Variants in PAFAH1B1 observed in about 807,000 individuals in gnomAD.
PAFAH1B1 encodes platelet-activating factor acetylhydrolase IB subunit beta.
Under a neutral mutation model 57.5 loss-of-function variants are expected in PAFAH1B1, and 2 were observed. That is an observed-to-expected ratio of 0.03 (90% CI 0.01 to 0.11). The LOEUF (loss-of-function observed/expected upper bound fraction) is 0.11. Ranked by LOEUF, PAFAH1B1 falls within the 10% of genes least tolerant of loss-of-function variation. The pLI is 1.00. For synonymous variants in PAFAH1B1, 152 were observed against 169.6 expected, an observed-to-expected ratio of 0.90 and a Z score of 0.81; for missense variants, 257 against 512.0, an observed-to-expected ratio of 0.50 and a Z score of 4.81.
intron 2 of PAFAH1B1, chr17:2,638,573 T>C (rs2068653467): frequency 4.8e-6 from 2 of 419,396 alleles, no homozygotes; most frequent in South Asian, 2.9e-5. Context: ...AATGGCGCCA[T>C]CTCGGCTCAC....
At chr17:2,670,910 A>C (rs2151664594) in intron 6 of PAFAH1B1, among the ~76,000 whole-genome samples, 1 of 152,312 alleles carries the variant, frequency 6.6e-6, no homozygotes, top group East Asian at 1.9e-4. Flanking sequence ...CAGAGGTAAT[A>C]ATACCAGAGT....
intron 2 of PAFAH1B1, among the ~76,000 whole-genome samples, chr17:2,663,687 C>T (rs1734541540): frequency 7.6e-6 from 1 of 132,080 alleles, no homozygotes; most frequent in Admixed American, 8.9e-5. Flanking sequence ...GGTGGTAGTG[C>T]TAAAATTCTC....
At chr17:2,658,528 C>G (rs574337352) in intron 2 of PAFAH1B1, among the ~76,000 whole-genome samples, 2 of 152,206 alleles carry the variant, frequency 1.3e-5, no homozygotes, top group African/African-American at 4.8e-5. Flanking sequence ...GCTTTTGTTG[C>G]AACTGTGGGC....
chr17:2,656,409 C>T (rs2068936962), intron 2 of PAFAH1B1, among the ~76,000 whole-genome samples: 1 of 151,826 alleles, frequency 6.6e-6, no homozygotes, highest in Non-Finnish European at 1.5e-5. Flanking sequence ...ATGATTGTGC[C>T]ACAGCACTCC....
At chr17:2,638,458 T>C in intron 2 of PAFAH1B1, 138 bp downstream of exon 2, 1 of 707,002 alleles carries the variant, frequency 1.4e-6, no homozygotes, top group East Asian at 2.7e-5. Context: ...TTAGGCAGTT[T>C]GGTCTGATTT....
intron 3 of PAFAH1B1, 135 bp from the exon 4 acceptor site, chr17:2,665,881 T>G (rs2069100719): frequency 2.2e-6 from 2 of 917,606 alleles, no homozygotes; most frequent in Non-Finnish European, 3.1e-6. Flanking sequence ...GGATTACAGG[T>G]GAGCCACCAT....
At chr17:2,666,882 T>C in intron 4 of PAFAH1B1, 110 bp from the exon 5 acceptor site, 1 of 704,260 alleles carries the variant, frequency 1.4e-6, no homozygotes, top group Non-Finnish European at 2.4e-6. Flanking sequence ...TTACTGAAAT[T>C]TTTTCAAGTA....
At chr17:2,673,826 T>G in intron 7 of PAFAH1B1, 1 of 498,234 alleles carries the variant, frequency 2.0e-6, no homozygotes, top group Non-Finnish European at 3.6e-6. Flanking sequence ...TTTTGAAAGA[T>G]TTTATTTCTT....
In PAFAH1B1 at chr17:2,672,749, G is replaced by A. The variant is rs978724702; in HGVS notation, c.663G>A (p.Val221=). 2.5e-6 allele frequency: 4 copies of A among 1,600,756 alleles called. No individual in the cohort carries two copies. The highest frequency in any genetic ancestry group is 1.3e-5 in the African/African-American group (1 of 74,632). Residue 221 remains valine (V), a synonymous_variant, in exon 7 of 11, where the codon GTG becomes GTA. Transcript: ENST00000397195. The part of the protein sequence containing the change: ...SRDKTIKMWE[V]QTGYCVKTFT... ...ATAAAACTATAAAAATGTGGGAAGT[G>A]CAAACTGGGTAAGTAAGTTTAGTTG...
intron 1 of PAFAH1B1, among the ~76,000 whole-genome samples, chr17:2,598,979 GCAT>G (rs1367482354): frequency 6.6e-6 from 1 of 152,140 alleles, no homozygotes; most frequent in African/African-American, 2.4e-5. Context: ...TTGGTGGCAG[GCAT>G]CATAAGCACT....
chr17:2,666,133 T>C lies in PAFAH1B1; in HGVS notation c.192+43T>C, dbSNP rs75468446. On this transcript the variant is annotated intron_variant, in intron 4 of 10. Transcript: ENST00000397195. Reference sequence around the variant, plus strand: ...CTTTAAAATTAGTTGTATTCAGTTATATAAACTTTCTGAAAATAACATTCT... The same window carrying C: ...CTTTAAAATTAGTTGTATTCAGTTACATAAACTTTCTGAAAATAACATTCT... The C allele has an allele frequency of 4.8e-3, 6,488 of 1,344,366 alleles. 273 individuals are homozygous for C. In the African/African-American group the frequency reaches 0.085, roughly 18 times the overall value. The allele number at this position is 1,344,366 out of a possible 1,614,324, so 83.3% of individuals were successfully genotyped here.
At chr17:2,657,507 G>GT (rs1246869957) in intron 2 of PAFAH1B1, among the ~76,000 whole-genome samples, 1 of 152,252 alleles carries the variant, frequency 6.6e-6, no homozygotes, top group Non-Finnish European at 1.5e-5. Flanking sequence ...GTCTCCCAAA[G>GT]TGGTGGGATT....
Position 2,676,582 on chromosome 17 carries a change from T to C in PAFAH1B1, c.978T>C (p.Ser326=). The C allele has an allele frequency of 6.2e-7, 1 of 1,610,080 alleles. No homozygotes were observed. Among genetic ancestry groups the C allele is most frequent in the Non-Finnish European group, 8.5e-7 (1 of 1,176,252 alleles). ...RDKTIKMWDV[S]TGMCLMTLVG... is the part of the protein sequence containing the mutation. Reference sequence around the variant, plus strand: ...AGACTATTAAGATGTGGGATGTCAGTACTGGCATGTGCCTTATGACCCTCG... The same window carrying C: ...AGACTATTAAGATGTGGGATGTCAGCACTGGCATGTGCCTTATGACCCTCG... Residue 326 remains serine, a synonymous_variant, in exon 9 of 11, where the codon AGT becomes AGC. Coordinates refer to ENST00000397195, the MANE Select transcript of PAFAH1B1 (RefSeq NM_000430.4).
At chr17:2,653,269 G>A (rs536031426) in intron 2 of PAFAH1B1, among the ~76,000 whole-genome samples, 7 of 152,240 alleles carry the variant, frequency 4.6e-5, no homozygotes, top group East Asian at 1.9e-4. Context: ...AGGGCCTGTC[G>A]TGAGGTGAGG....
chr17:2,653,362 A>G (rs1007166209), intron 2 of PAFAH1B1, among the ~76,000 whole-genome samples: 2 of 152,132 alleles, frequency 1.3e-5, no homozygotes, highest in African/African-American at 4.8e-5. Flanking sequence ...TGGCACATGT[A>G]TACATATGTA....
At chr17:2,665,922 T>C in intron 3 of PAFAH1B1, 94 bp from the exon 4 acceptor site, 6 of 1,237,518 alleles carry the variant, frequency 4.8e-6, no homozygotes, top group Non-Finnish European at 6.6e-6. Context: ...TATAATCAGA[T>C]TTTTAGTAAT....
intron 9 of PAFAH1B1, among the ~76,000 whole-genome samples, chr17:2,679,006 T>C (rs369090141): frequency 2.0e-5 from 3 of 152,300 alleles, no homozygotes; most frequent in East Asian, 3.9e-4. Flanking sequence ...AACTGAATTG[T>C]TGGTTGTATG....
intron 1 of PAFAH1B1, among the ~76,000 whole-genome samples, chr17:2,627,634 G>A (rs972140492): frequency 1.4e-4 from 22 of 152,122 alleles, no homozygotes; most frequent in African/African-American, 5.3e-4. Flanking sequence ...AAGAATGATG[G>A]TATTTTGATG....
rs886052720 is a variant in PAFAH1B1 at position 2,683,298 on chromosome 17, C to A, written c.*1496C>A. 1 of 152,080 alleles carries A rather than the reference C, an allele frequency of 6.6e-6. No homozygotes were observed. The highest frequency in any genetic ancestry group is 1.9e-4 in the East Asian group (1 of 5,202). 9.4% of individuals were successfully genotyped at this position (152,080 alleles called of 1,614,324 possible). A position where few individuals can be genotyped will look rare whatever the true frequency, so the allele number is the denominator to read the frequency against. ...ATAAAGAATTCCATTGCTTAGCTAA[C>A]CAACAGGTTTTTTTTGTTTCCAAGA... On this transcript the variant is annotated 3_prime_UTR_variant, in exon 11 of 11. Transcript: ENST00000397195.
Sources: gnomAD v4.1 joint callset for allele counts (sites outside exome capture counted in the v4.1 genomes callset) on GRCh38, gnomAD v4.1.1 for gene constraint, MANE v1.5 for transcripts, NCBI Gene and HGNC (gene_info 2026-07-23, HGNC 2026-07-21) for gene names.